The following OPCML variants were observed in gnomAD, a reference collection of about 807,000 sequenced individuals.
OPCML encodes the protein opioid binding protein/cell adhesion molecule like.
A neutral mutation model predicts 37.8 loss-of-function variants in OPCML; 13 were observed. That is an observed-to-expected ratio of 0.34 (90% CI 0.22 to 0.55). The LOEUF (loss-of-function observed/expected upper bound fraction) is 0.55. Among genes scored for constraint, OPCML ranks in the 20% least tolerant of loss-of-function variants. The probability of loss-of-function intolerance (pLI) is 0.91; values close to 1 mark genes in which losing one functional copy is unlikely to be tolerated. For synonymous variants in OPCML, 176 were observed against 168.8 expected (o/e 1.04, Z -0.33); for missense variants, 341 against 435.6 (o/e 0.78, Z 1.93).
intron 1 of OPCML, among the ~76,000 whole-genome samples, chr11:133,507,302 A>T (rs1948055607): frequency 6.6e-6 from 1 of 152,152 alleles, no homozygotes; most frequent in Non-Finnish European, 1.5e-5. Context: ...ACAGTGCTGA[A>T]ATGGGTGCAG....
intron 1 of OPCML, among the ~76,000 whole-genome samples, chr11:133,464,226 A>G (rs959479148): frequency 1.3e-5 from 2 of 152,340 alleles, no homozygotes; most frequent in East Asian, 3.9e-4. Flanking sequence ...CATTTAAAGT[A>G]TTCAAATGCA....
At chr11:133,297,088 T>C (rs549772387) in intron 1 of OPCML, 1 of 152,288 alleles carries the variant, frequency 6.6e-6, no homozygotes, top group South Asian at 2.1e-4. Context: ...GAAGGATGAA[T>C]AGGAACTGGC....
intron 2 of OPCML, among the ~76,000 whole-genome samples, chr11:132,810,180 G>A (rs1939260138): frequency 6.6e-6 from 1 of 152,100 alleles, no homozygotes; most frequent in Non-Finnish European, 1.5e-5. Flanking sequence ...AGCCTTCCAA[G>A]GGCCACATCT....
intron 1 of OPCML, among the ~76,000 whole-genome samples, chr11:133,210,675 C>G (rs934762394): frequency 6.6e-6 from 1 of 152,080 alleles, no homozygotes; most frequent in Non-Finnish European, 1.5e-5. Context: ...TTCCAACATA[C>G]ATGGCTATTT....
Position 133,036,270 on chromosome 11 carries a change from C to T in OPCML, c.62-93260G>A, listed in dbSNP as rs1046481101. Among the ~76,000 whole-genome samples, 5 of 152,050 alleles carry T rather than the reference C, an allele frequency of 3.3e-5. No individual in the cohort carries two copies. In the South Asian group the frequency reaches 8.3e-4, roughly 25 times the overall value. ...ATGCCAATTCTTTCCCAGGATGGTG[C>T]GAATGTGTGTTTGTACATTTGTAAA... On this transcript the variant is annotated intron_variant, in intron 1 of 7. Transcript: ENST00000524381.
At chr11:133,509,090 A>T (rs1376366262) in intron 1 of OPCML, among the ~76,000 whole-genome samples, 1 of 151,916 alleles carries the variant, frequency 6.6e-6, no homozygotes, top group Non-Finnish European at 1.5e-5. Flanking sequence ...ATGTTCTGGG[A>T]TACATGTGCA....
chr11:133,367,246 G>T (rs1944563219), intron 1 of OPCML, among the ~76,000 whole-genome samples: 1 of 152,146 alleles, frequency 6.6e-6, no homozygotes, highest in Non-Finnish European at 1.5e-5. Flanking sequence ...CAAAGTGCTG[G>T]GATTACAGGC....
chr11:133,494,882 T>TAATAA (rs59184941), intron 1 of OPCML, among the ~76,000 whole-genome samples: 6,105 of 151,904 alleles, frequency 0.04, 435 homozygotes, highest in African/African-American at 0.14. Context: ...AATAATAAAA[T>TAATAA]AATAAAATAA....
chr11:133,406,744 T>A (rs1455443029), intron 1 of OPCML, among the ~76,000 whole-genome samples: 2 of 152,154 alleles, frequency 1.3e-5, no homozygotes, highest in African/African-American at 4.8e-5. Flanking sequence ...AATGCAATAA[T>A]TGTAAATTCA....
At chr11:133,102,414 C>G (rs994391745) in intron 1 of OPCML, among the ~76,000 whole-genome samples, 2 of 152,124 alleles carry the variant, frequency 1.3e-5, no homozygotes, top group African/African-American at 4.8e-5. Context: ...ATGAGACAAG[C>G]TCTTAAACAT....
chr11:132,709,939 T>A (rs1368469046), intron 2 of OPCML, among the ~76,000 whole-genome samples: 1 of 152,242 alleles, frequency 6.6e-6, no homozygotes, highest in Admixed American at 6.5e-5. Context: ...AAAAGTTGAC[T>A]TTCATGGGAT....
At chr11:132,932,108 A>G (rs1591818652) in intron 2 of OPCML, among the ~76,000 whole-genome samples, 1 of 152,186 alleles carries the variant, frequency 6.6e-6, no homozygotes, top group Non-Finnish European at 1.5e-5. Flanking sequence ...GTACAATAGA[A>G]TAGTAATAAT....
intron 1 of OPCML, among the ~76,000 whole-genome samples, chr11:132,944,044 C>T (rs1945680452): frequency 1.3e-5 from 2 of 151,882 alleles, no homozygotes; most frequent in South Asian, 4.1e-4. Flanking sequence ...GACGGGCGGG[C>T]GCCCACCTTA....
chr11:132,979,561 C>T (rs1021018562), intron 1 of OPCML, among the ~76,000 whole-genome samples: 5 of 152,248 alleles, frequency 3.3e-5, no homozygotes, highest in Admixed American at 2.0e-4. Context: ...AACCCTCCCA[C>T]GGTCTCTTCC....
intron 2 of OPCML, among the ~76,000 whole-genome samples, chr11:132,729,064 G>T (rs1263116651): frequency 1.3e-5 from 2 of 152,192 alleles, no homozygotes; most frequent in East Asian, 3.8e-4. Context: ...GTGAAAGAAA[G>T]GCTGGTTAGG....
intron 1 of OPCML, among the ~76,000 whole-genome samples, chr11:133,158,196 T>C (rs1370137337): frequency 6.6e-6 from 1 of 152,194 alleles, no homozygotes; most frequent in Non-Finnish European, 1.5e-5. Flanking sequence ...CACTCAGTTC[T>C]AGAAGGTGTG....
chr11:133,192,492 G>T (rs1414146460), intron 1 of OPCML, among the ~76,000 whole-genome samples: 1 of 152,228 alleles, frequency 6.6e-6, no homozygotes, highest in East Asian at 1.9e-4. Context: ...TACCCTTGCA[G>T]TTACCACTCC....
chr11:132,686,497 A>G (rs1943162702), intron 2 of OPCML, among the ~76,000 whole-genome samples: 1 of 152,180 alleles, frequency 6.6e-6, no homozygotes, highest in Non-Finnish European at 1.5e-5. Context: ...TCTACTCTTC[A>G]AATCCCTTCT....
At chr11:133,113,909 T>C (rs1024716296) in intron 1 of OPCML, among the ~76,000 whole-genome samples, 1 of 152,204 alleles carries the variant, frequency 6.6e-6, no homozygotes, top group Admixed American at 6.5e-5. Context: ...GAGAGAACCA[T>C]TCTTAGAAAA....
Sources: gnomAD v4.1 joint callset for allele counts (sites outside exome capture counted in the v4.1 genomes callset) on GRCh38, gnomAD v4.1.1 for gene constraint, MANE v1.5 for transcripts, NCBI Gene and HGNC (gene_info 2026-07-23, HGNC 2026-07-21) for gene names.